The following NCOR1 variants were observed in gnomAD, a reference collection of about 807,000 sequenced individuals.
NCOR1 encodes nuclear receptor corepressor 1.
A neutral mutation model predicts 288.1 loss-of-function variants in NCOR1; 63 were observed. The observed-to-expected ratio is 0.22, with a 90% CI of 0.18 to 0.27. The LOEUF is 0.27. NCOR1 is among the 10% of genes least tolerant of loss of function. The probability of loss-of-function intolerance (pLI) is 1.00; values close to 1 mark genes in which losing one functional copy is unlikely to be tolerated. For missense variants in NCOR1, 2,397 were observed against 3,019.2 expected (o/e 0.79, Z 4.83); for synonymous variants, 1,007 against 1,065.9 (o/e 0.94, Z 1.08).
chr17:16,098,446 A>G lies in NCOR1; in HGVS notation c.2741T>C (p.Ile914Thr). The G allele has an allele frequency of 1.2e-6, 2 of 1,613,988 alleles. No individual in the cohort carries two copies. The highest frequency in any genetic ancestry group is 1.7e-6 in the Non-Finnish European group (2 of 1,179,860). The change falls in exon 21 of 46, where the codon ATA (isoleucine) becomes ACA (threonine). Residue 914 changes from isoleucine to threonine, a missense_variant. Ile to Thr is a moderately conservative substitution (Grantham distance 89, BLOSUM62 -1). Around this residue, in one of 11 missense-constraint regions of NCOR1, gnomAD observed 1,872 missense variants for 2,187.8 expected, o/e 0.86. Coordinates refer to ENST00000268712, the MANE Select transcript of NCOR1 (RefSeq NM_006311.4). ...TGGTTTTAACGGAGATGAGACGAGT[A>G]TAGATCCAGTGGGGTTTAACAGTGA... ...KPSLLNPTGS[I>T]LVSSPLKPNP...
chr17:16,155,542 T>C (rs971514059), intron 6 of NCOR1, among the ~76,000 whole-genome samples: 1 of 152,196 alleles, frequency 6.6e-6, no homozygotes, highest in African/African-American at 2.4e-5. Context: ...AAAAATAGTC[T>C]GTTTAGAGAC....
intron 26 of NCOR1, among the ~76,000 whole-genome samples, chr17:16,078,348 C>T (rs1260855062): frequency 6.6e-6 from 1 of 152,192 alleles, no homozygotes; most frequent in Non-Finnish European, 1.5e-5. Flanking sequence ...TAGTAAGTGT[C>T]TAGAAATCCT....
chr17:16,129,340 T>C (rs1020411358), intron 14 of NCOR1, among the ~76,000 whole-genome samples: 1 of 152,184 alleles, frequency 6.6e-6, no homozygotes, highest in South Asian at 2.1e-4. Context: ...TGAACCCTTA[T>C]TCTATCAAAT....
intron 42 of NCOR1, among the ~76,000 whole-genome samples, chr17:16,045,478 AC>A (rs1449053776): frequency 3.9e-5 from 6 of 152,136 alleles, no homozygotes; most frequent in African/African-American, 1.4e-4. Context: ...ACCTTTTGCT[AC>A]CATTATTACT....
In NCOR1 at chr17:16,083,663, A is replaced by G. The variant is rs573101419; in HGVS notation, c.3177+2619T>C. Reference sequence around the variant, plus strand: ...GATGTTTGGGGGGAAACATCCTCGTAAAATAGTTCCCTATGCTCGCCTTCT... The same window carrying G: ...GATGTTTGGGGGGAAACATCCTCGTGAAATAGTTCCCTATGCTCGCCTTCT... On this transcript the variant is annotated intron_variant, in intron 23 of 45. Coordinates refer to ENST00000268712, the MANE Select transcript of NCOR1 (RefSeq NM_006311.4). 2.8e-3 allele frequency among the ~76,000 whole-genome samples: 426 copies of G among 151,644 alleles called. 3 individuals carry two copies. Among genetic ancestry groups the G allele is most frequent in the African/African-American group, 9.5e-3 (393 of 41,332 alleles).
At position 16,095,747 on chromosome 17, in the gene NCOR1, G is replaced by A. The variant is rs1387571265; in HGVS notation, c.2820+2620C>T. ...CGGCCAGCCGCCCCGTCTGGGAGGT[G>A]AGGGGCGCCTCTGCCCGGCTGCCCC... is the stretch of plus-strand genomic sequence containing the variant. On this transcript the variant is annotated intron_variant, in intron 21 of 45. Coordinates refer to ENST00000268712, the MANE Select transcript of NCOR1 (RefSeq NM_006311.4). Among the ~76,000 whole-genome samples, 2 of 145,768 alleles carry A rather than the reference G, an allele frequency of 1.4e-5. 1 individual carries two copies. Among genetic ancestry groups the A allele is most frequent in the Non-Finnish European group, 3.0e-5 (2 of 65,974 alleles).
intron 1 of NCOR1, among the ~76,000 whole-genome samples, chr17:16,204,695 CATAA>C (rs1355503833): frequency 1.3e-5 from 2 of 152,178 alleles, no homozygotes; most frequent in Non-Finnish European, 2.9e-5. Flanking sequence ...ACAAAAGTCA[CATAA>C]ATAGACTAAT....
At chr17:16,205,937 C>G (rs914602977) in intron 1 of NCOR1, among the ~76,000 whole-genome samples, 1 of 67,778 alleles carries the variant, frequency 1.5e-5, no homozygotes, top group African/African-American at 4.9e-5. Flanking sequence ...TACTCCGTCT[C>G]AAAAAAAAAA....
chr17:16,146,520 T>A lies in NCOR1; in HGVS notation c.938A>T (p.Gln313Leu). 6.3e-7 allele frequency: 1 copy of A among 1,596,186 alleles called. No homozygotes were observed. Among genetic ancestry groups the A allele is most frequent in the Non-Finnish European group, 8.5e-7 (1 of 1,174,932 alleles). The change falls in exon 10 of 46, where the codon CAG becomes CTG. Residue 313 changes from glutamine (Q) to leucine (L), a missense_variant. Transcript: ENST00000268712. Reference sequence around the variant, plus strand: ...TTTTTTCTCCCATGCCTCCATGAGCTGATCATAACGCTGGCAGATTTTTTG... The same window carrying A: ...TTTTTTCTCCCATGCCTCCATGAGCAGATCATAACGCTGGCAGATTTTTTG... ...REQKICQRYD[Q>L]LMEAWEKKVD...
At chr17:16,172,836 T>C (rs778953226) in intron 3 of NCOR1, among the ~76,000 whole-genome samples, 5 of 152,208 alleles carry the variant, frequency 3.3e-5, no homozygotes, top group Admixed American at 2.6e-4. Flanking sequence ...AGAGGTGATA[T>C]TGTATCTCAT....
rs550673113 is a variant in NCOR1 at position 16,125,244 on chromosome 17, T to C, written c.1634+838A>G. On this transcript the variant is annotated intron_variant, in intron 15 of 45. Coordinates refer to ENST00000268712, the MANE Select transcript of NCOR1 (RefSeq NM_006311.4). ...CGGGCGTGGTGACGCGTGCCTGTAA[T>C]CCTACCTACTTGGGAGGCCGAGGCA... Among the ~76,000 whole-genome samples, 604 of 152,076 alleles carry C rather than the reference T, an allele frequency of 4.0e-3. 2 individuals are homozygous for C. Among genetic ancestry groups the C allele is most frequent in the Non-Finnish European group, 7.2e-3 (487 of 67,992 alleles).
At chr17:16,066,792 G>A (rs1043620143) in intron 32 of NCOR1, among the ~76,000 whole-genome samples, 2 of 152,110 alleles carry the variant, frequency 1.3e-5, no homozygotes, top group African/African-American at 4.8e-5. Context: ...ATTTCCCACA[G>A]TTACTTTCCT....
intron 40 of NCOR1, among the ~76,000 whole-genome samples, chr17:16,055,805 A>G: frequency 6.6e-6 from 1 of 152,176 alleles, no homozygotes; most frequent in South Asian, 2.1e-4. Context: ...TTTGATAATC[A>G]CATTTCTTTT....
chr17:16,149,051 G>A (rs1229420061), intron 9 of NCOR1, among the ~76,000 whole-genome samples: 11 of 151,900 alleles, frequency 7.2e-5, no homozygotes, highest in Non-Finnish European at 1.0e-4. Context: ...TGAAAAAGCT[G>A]AACCCTAGCT....
chr17:16,062,072 CA>C, intron 36 of NCOR1, 32 bp downstream of exon 36: 1 of 1,605,714 alleles, frequency 6.2e-7, no homozygotes, highest in Non-Finnish European at 8.5e-7. Flanking sequence ...ATGCAAGAGA[CA>C]TTTTTTGTCA....
chr17:16,091,574 C>CG (rs1484407557), intron 22 of NCOR1: 2 of 1,212,558 alleles, frequency 1.6e-6, no homozygotes, highest in East Asian at 8.3e-5. Flanking sequence ...TTCAGATGAA[C>CG]GGAACATAAA....
chr17:16,065,142 G>C (rs2060977384), intron 33 of NCOR1, 123 bp from the exon 34 acceptor site: 5 of 908,984 alleles, frequency 5.5e-6, no homozygotes, highest in Non-Finnish European at 8.2e-6. Context: ...AAATAAAAAT[G>C]TTTACTATCA....
Position 16,061,738 on chromosome 17 carries a change from C to A in NCOR1, c.5544G>T (p.Arg1848Ser), listed in dbSNP as rs781525832. ...ACCTGCTTCTCAAATTTTCTTCTAA[C>A]CTGGCAGCTTCATGCTTACTCTCTT... ...KTKESKHEAA[R>S]LEENLRSRSA... Residue 1848 changes from arginine to serine, a missense_variant, in exon 37 of 46, where the codon AGG becomes AGT. Arg to Ser is a moderately radical substitution (Grantham distance 110). Transcript: ENST00000268712. 6.2e-7 allele frequency: 1 copy of A among 1,614,114 alleles called. No homozygotes were observed. The highest frequency in any genetic ancestry group is 8.5e-7 in the Non-Finnish European group (1 of 1,180,056).
chr17:16,131,452 T>A (rs1040229049), intron 14 of NCOR1, among the ~76,000 whole-genome samples: 1 of 152,154 alleles, frequency 6.6e-6, no homozygotes, highest in African/African-American at 2.4e-5. Flanking sequence ...TCTAACTATA[T>A]ATATGTGCTA....
Sources: allele counts gnomAD v4.1 joint callset (sites outside exome capture counted in the v4.1 genomes callset), GRCh38; gene constraint gnomAD v4.1.1; regional missense constraint gnomAD v4.1.1; transcripts MANE v1.5; gene names NCBI Gene and HGNC (gene_info 2026-07-23, HGNC 2026-07-21).